HECTD2: variants seen among roughly 807,000 people sequenced by gnomAD.
HECTD2 encodes the protein probable E3 ubiquitin-protein ligase HECTD2.
In HECTD2, 35 loss-of-function variants were observed where a neutral mutation model predicts 103.2. The observed-to-expected ratio is 0.34, with a 90% confidence interval of 0.26 to 0.45. HECTD2 has a LOEUF of 0.45. HECTD2 is among the 20% of genes least tolerant of loss of function. The pLI is 1.00. For missense variants in HECTD2, 596 were observed against 937.4 expected (o/e 0.64, Z 4.76); for synonymous variants, 281 against 329.9 (o/e 0.85, Z 1.61).
intron 20 of HECTD2, among the ~76,000 whole-genome samples, chr10:91,501,617 GATTGTCTA>G (rs1159445215): frequency 6.6e-6 from 1 of 152,050 alleles, no homozygotes; most frequent in African/African-American, 2.4e-5. Context: ...TGTAGTAGTA[GATTGTCTA>G]ATGTTCATTT....
rs397846279 is a variant in HECTD2, at chr10:91,415,193, A to AGTGTGTGTGTGTGTGTGTGT, written c.138+4636_138+4655dup. Among the ~76,000 whole-genome samples the AGTGTGTGTGTGTGTGTGTGT allele has an allele frequency of 2.8e-3, 397 of 141,724 alleles. 4 individuals carry two copies. The highest frequency in any genetic ancestry group is 4.8e-3 in the African/African-American group (182 of 37,910). 93.0% of individuals were successfully genotyped at this position (141,724 alleles called of 152,430 possible). ...GTCAATAGCATTCCAAATTAGAGAAAGTGTGTGTGTGTGTGTGTGTGTGTG... is the reference window on the plus strand; with the variant it reads ...GTCAATAGCATTCCAAATTAGAGAAAGTGTGTGTGTGTGTGTGTGTGTGTGTGTGTGTGTGTGTGTGTGTG... On this transcript the variant is annotated intron_variant, in intron 1 of 20. Coordinates refer to ENST00000298068, the MANE Select transcript of HECTD2 (RefSeq NM_182765.6).
At chr10:91,496,689 TTAA>T (rs1427649772) in intron 15 of HECTD2, among the ~76,000 whole-genome samples, 2 of 152,106 alleles carry the variant, frequency 1.3e-5, no homozygotes, top group African/African-American at 4.8e-5. Context: ...ATAGTTTTTA[TTAA>T]TAATTTTTAA....
At chr10:91,440,720 G>A (rs964158076) in intron 2 of HECTD2, among the ~76,000 whole-genome samples, 1 of 81,464 alleles carries the variant, frequency 1.2e-5, no homozygotes, top group African/African-American at 5.0e-5. Flanking sequence ...GCTTTTTTTG[G>A]TTGGTAGGCT....
chr10:91,449,264 A>C (rs1844678827), intron 2 of HECTD2, among the ~76,000 whole-genome samples: 1 of 152,130 alleles, frequency 6.6e-6, no homozygotes, highest in Admixed American at 6.5e-5. Flanking sequence ...CAATAAACGT[A>C]ATCCATTTCA....
intron 2 of HECTD2, among the ~76,000 whole-genome samples, chr10:91,456,271 T>G (rs1373745170): frequency 6.6e-6 from 1 of 152,230 alleles, no homozygotes; most frequent in East Asian, 1.9e-4. Flanking sequence ...TTTGTAGTTC[T>G]CCTTGAAGAG....
intron 11 of HECTD2, among the ~76,000 whole-genome samples, chr10:91,490,435 C>T (rs995692881): frequency 1.6e-4 from 25 of 152,070 alleles, no homozygotes; most frequent in Admixed American, 2.6e-4. Context: ...GTCTTTGATA[C>T]ATGTTGACAA....
rs115990620 is a variant in HECTD2, at chr10:91,414,592, T to A, written c.138+4016T>A. Among the ~76,000 whole-genome samples, 789 of 152,316 alleles carry A rather than the reference T, an allele frequency of 5.2e-3. 11 individuals carry two copies. The highest frequency in any genetic ancestry group is 0.018 in the African/African-American group (752 of 41,556). On this transcript the variant is annotated intron_variant, in intron 1 of 20. Transcript: ENST00000298068. ...ACCACAATGAGCCATAGAAACAATT[T>A]GTACTATCAGAGATGAGAGAAAGGA...
intron 20 of HECTD2, among the ~76,000 whole-genome samples, chr10:91,507,493 C>T (rs547209915): frequency 4.2e-4 from 64 of 151,626 alleles, no homozygotes; most frequent in African/African-American, 1.5e-3. Flanking sequence ...AGACAAACAG[C>T]CAAATCATGA....
intron 2 of HECTD2, among the ~76,000 whole-genome samples, chr10:91,445,680 G>T (rs1844573390): frequency 6.6e-6 from 1 of 152,072 alleles, no homozygotes; most frequent in South Asian, 2.1e-4. Flanking sequence ...TCCAACTGAG[G>T]TACCCAGCTC....
chr10:91,476,857 G>T (rs1845921631), intron 5 of HECTD2, among the ~76,000 whole-genome samples: 1 of 152,188 alleles, frequency 6.6e-6, no homozygotes, highest in African/African-American at 2.4e-5. Flanking sequence ...TAGCAAAGAG[G>T]CTGCTCAGGA....
Position 91,495,050 on chromosome 10 carries a change from CAATT to C in HECTD2, c.1522-1161_1522-1158del, listed in dbSNP as rs72128875. 6.0e-3 allele frequency among the ~76,000 whole-genome samples: 917 copies of C among 151,998 alleles called. 4 individuals are homozygous for C. The highest frequency in any genetic ancestry group is 0.021 in the African/African-American group (882 of 41,518). On this transcript the variant is annotated intron_variant, in intron 14 of 20. Coordinates refer to ENST00000298068, the MANE Select transcript of HECTD2 (RefSeq NM_182765.6). The stretch of plus-strand genomic sequence containing the variant: ...TAGATATTCTATATTTCAAGTTAAA[CAATT>C]AAATCTAAAAATTATAATTGCTACT...
chr10:91,470,988 ACG>A (rs1424128308), intron 5 of HECTD2, among the ~76,000 whole-genome samples: 16 of 146,948 alleles, frequency 1.1e-4, no homozygotes, highest in African/African-American at 4.4e-4. Context: ...ACACACACAC[ACG>A]CACACACACA....
At chr10:91,462,791 T>A in intron 5 of HECTD2, 1 of 983,594 alleles carries the variant, frequency 1.0e-6, no homozygotes, top group Non-Finnish European at 1.2e-6. Context: ...GACCACATTT[T>A]GAGAACCATA....
intron 5 of HECTD2, among the ~76,000 whole-genome samples, chr10:91,465,474 G>T (rs1271496754): frequency 6.6e-6 from 1 of 150,654 alleles, no homozygotes; most frequent in African/African-American, 2.4e-5. Context: ...TAGAGAAATG[G>T]CTAATTCTAA....
intron 5 of HECTD2, chr10:91,463,757 C>G (rs1156732085): frequency 1.3e-5 from 2 of 152,136 alleles, no homozygotes; most frequent in Non-Finnish European, 2.9e-5. Context: ...ACACATCCAT[C>G]AAAATTAATA....
Position 91,498,903 on chromosome 10 carries a change from C to G in HECTD2, c.1787C>G (p.Ser596Cys). 2 of 1,604,764 alleles carry G rather than the reference C, an allele frequency of 1.2e-6. No homozygotes were observed. The highest frequency in any genetic ancestry group is 2.2e-5 in the East Asian group (1 of 44,732). Residue 596 changes from serine (S) to cysteine (C), a missense_variant, in exon 17 of 21, where the codon TCC (serine) becomes TGC (cysteine). This residue lies in a region of HECTD2 where 303 missense variants were observed against 522.5 expected (regional missense o/e 0.58). Coordinates refer to ENST00000298068, the MANE Select transcript of HECTD2 (RefSeq NM_182765.6). ...VFQEEFGIIKSYNLKPGGDKI... is the reference protein window; with the variant it reads ...VFQEEFGIIKCYNLKPGGDKI... ...CAAGAAGAATTTGGAATAATCAAGT[C>G]CTATAATTTAAAGCCCGGTGGTGAT...
At chr10:91,507,510 T>G (rs1413888962) in intron 20 of HECTD2, among the ~76,000 whole-genome samples, 2 of 152,176 alleles carry the variant, frequency 1.3e-5, no homozygotes, top group African/African-American at 2.4e-5. Flanking sequence ...ATGAGTGAAC[T>G]CCCATTCACA....
intron 1 of HECTD2, among the ~76,000 whole-genome samples, chr10:91,424,416 G>A (rs957816773): frequency 6.6e-6 from 1 of 151,350 alleles, no homozygotes; most frequent in Non-Finnish European, 1.5e-5. Flanking sequence ...TACTGTGAAA[G>A]TGAAGACGTT....
At chr10:91,470,279 C>T (rs774985584) in intron 5 of HECTD2, among the ~76,000 whole-genome samples, 7 of 152,200 alleles carry the variant, frequency 4.6e-5, no homozygotes, top group Non-Finnish European at 8.8e-5. Context: ...CTGAACTGTA[C>T]ATGACACATA....
Sources: gnomAD v4.1 joint callset for allele counts (sites outside exome capture counted in the v4.1 genomes callset) on GRCh38, gnomAD v4.1.1 for gene constraint, gnomAD v4.1.1 regional missense constraint, MANE v1.5 for transcripts, NCBI Gene and HGNC (gene_info 2026-07-23, HGNC 2026-07-21) for gene names.